The following TMEM165 variants were observed in gnomAD, a reference collection of about 807,000 sequenced individuals.
TMEM165 encodes the protein putative divalent cation/proton antiporter TMEM165.
In TMEM165, 19 loss-of-function variants were observed where a neutral mutation model predicts 30.0. That is an observed-to-expected ratio of 0.63 (90% CI 0.44 to 0.93). TMEM165 has a LOEUF of 0.93. Among genes scored for constraint, TMEM165 ranks in the 40% least tolerant of loss-of-function variants. The probability of loss-of-function intolerance (pLI) is 0.00; values close to 1 mark genes in which losing one functional copy is unlikely to be tolerated. For missense variants in TMEM165, 340 were observed against 417.0 expected (o/e 0.82, Z 1.61); for synonymous variants, 168 against 162.9 (o/e 1.03, Z -0.24).
chr4:55,448,576 A>C (rs2109734557), intron 3 of TMEM165, among the ~76,000 whole-genome samples: 1 of 148,094 alleles, frequency 6.8e-6, no homozygotes, highest in East Asian at 2.0e-4. Context: ...AACTATAATT[A>C]TATATGTGCG....
At chr4:55,453,174 T>A in exon 4 of TMEM165, 1 of 1,428,874 alleles carries the variant, frequency 7.0e-7, no homozygotes, top group Non-Finnish European at 9.9e-7. Flanking sequence ...TGGTCATTCG[T>A]TTAAAATACT....
At chr4:55,425,183 A>G (rs1424585492) in intron 5 of TMEM165, among the ~76,000 whole-genome samples, 193 bp from the exon 6 acceptor site, 1 of 152,228 alleles carries the variant, frequency 6.6e-6, no homozygotes, top group Non-Finnish European at 1.5e-5. Context: ...CCTGATTCTT[A>G]GTGTTCACAG....
rs1722153866 is a variant in TMEM165 at position 55,425,410 on chromosome 4, T to C, written c.933T>C (p.Phe311=). 1 of 1,613,808 alleles carries C rather than the reference T, an allele frequency of 6.2e-7. No homozygotes were observed. Among genetic ancestry groups the C allele is most frequent in the Non-Finnish European group, 8.5e-7 (1 of 1,179,898 alleles). Residue 311 remains phenylalanine, a synonymous_variant, in exon 6 of 6, where the codon TTT becomes TTC. Coordinates refer to ENST00000381334, the MANE Select transcript of TMEM165 (RefSeq NM_018475.5). The part of the protein sequence containing the change: ...TIIGGIVFLA[F]AFSALFISPD... The stretch of plus-strand genomic sequence containing the variant: ...TAGGAGGCATCGTTTTTTTGGCGTT[T>C]GCATTTTCTGCACTATTTATAAGCC...
At chr4:55,451,627 G>C (rs574687800) in intron 3 of TMEM165, among the ~76,000 whole-genome samples, 16 of 152,292 alleles carry the variant, frequency 1.1e-4, no homozygotes, top group African/African-American at 3.8e-4. Flanking sequence ...TTTGGAAACA[G>C]GGCTAATTTA....
At position 55,417,833 on chromosome 4, in the gene TMEM165, G is replaced by A. The variant is rs910658095; in HGVS notation, c.640G>A (p.Gly214Arg). ...ACGAACCAAACTTTTAAATGGACCGGGAGATGTTGAAACGGGTACAAGCAT... is the reference window on the plus strand; with the variant it reads ...ACGAACCAAACTTTTAAATGGACCGAGAGATGTTGAAACGGGTACAAGCAT... ...FQRTKLLNGPGDVETGTSITV... is the reference protein window; with the variant it reads ...FQRTKLLNGPRDVETGTSITV... The change falls in exon 4 of 6, where the codon GGA (glycine) becomes AGA (arginine). Residue 214 changes from glycine (G) to arginine (R), a missense_variant. Gly to Arg is a moderately radical substitution (Grantham distance 125). Transcript: ENST00000381334. 6.2e-7 allele frequency: 1 copy of A among 1,611,138 alleles called. No homozygotes were observed. Among genetic ancestry groups the A allele is most frequent in the African/African-American group, 1.3e-5 (1 of 74,730 alleles).
At chr4:55,429,727 T>A (rs1277362526), downstream of TMEM165, 1 of 152,186 alleles carries the variant, frequency 6.6e-6, no homozygotes, top group African/African-American at 2.4e-5. Flanking sequence ...GTTGGGGAAG[T>A]AATCACACAA....
chr4:55,450,937 CAT>C (rs1282047237), intron 3 of TMEM165, among the ~76,000 whole-genome samples: 5 of 152,032 alleles, frequency 3.3e-5, no homozygotes, highest in Non-Finnish European at 7.4e-5. Flanking sequence ...GCTAGAGTTT[CAT>C]AGTTTCATAC....
chr4:55,411,512 A>C, intron 1 of TMEM165, 102 bp from the exon 2 acceptor site: 1 of 1,031,180 alleles, frequency 9.7e-7, no homozygotes, highest in Non-Finnish European at 1.4e-6. Context: ...AAGTGTAATG[A>C]CCATGACAAG....
Position 55,449,273 on chromosome 4 carries a change from A to G in TMEM165, c.409-2966A>G, listed in dbSNP as rs555454937. 719 of 852,806 alleles carry G rather than the reference A, an allele frequency of 8.4e-4. 1 individual carries two copies. In the Middle Eastern group the frequency reaches 8.6e-3, roughly 10 times the overall value. 52.8% of individuals were successfully genotyped at this position (852,806 alleles called of 1,614,324 possible). On this transcript the variant is annotated intron_variant, in intron 3 of 3. Transcript: ENST00000608091. The stretch of plus-strand genomic sequence containing the variant: ...AAAGGAAGTCTTAAGTAAGTGTCAC[A>G]TATCAGTAACTATTTTGATCTTTAC...
chr4:55,402,143 C>T (rs1359630858), intron 1 of TMEM165, among the ~76,000 whole-genome samples: 1 of 126,448 alleles, frequency 7.9e-6, no homozygotes, highest in African/African-American at 3.5e-5. Flanking sequence ...AAACTAAACA[C>T]ATTTAATAAA....
chr4:55,409,066 C>T (rs757546956), intron 1 of TMEM165, among the ~76,000 whole-genome samples: 113 of 151,856 alleles, frequency 7.4e-4, no homozygotes, highest in Non-Finnish European at 1.2e-3. Flanking sequence ...TTTAAAGGAC[C>T]GTCAACGTAG....
intron 2 of TMEM165, among the ~76,000 whole-genome samples, chr4:55,413,128 T>C (rs1305682464): frequency 2.0e-5 from 3 of 151,688 alleles, no homozygotes; most frequent in Non-Finnish European, 4.4e-5. Context: ...CATAGGCTCA[T>C]GCCACCATGC....
downstream of TMEM165, chr4:55,428,157 T>TAC (rs1722313881): frequency 2.0e-5 from 3 of 151,992 alleles, no homozygotes; most frequent in Non-Finnish European, 2.9e-5. Context: ...ATGACAAGAG[T>TAC]ATGGGAAAGA....
intron 3 of TMEM165, among the ~76,000 whole-genome samples, chr4:55,440,171 G>A (rs951689311): frequency 1.3e-5 from 2 of 152,002 alleles, no homozygotes; most frequent in African/African-American, 4.8e-5. Flanking sequence ...TAAACTCTAG[G>A]TTTATAGAAG....
intron 3 of TMEM165, chr4:55,450,083 G>A (rs1724283548): frequency 1.2e-6 from 2 of 1,613,914 alleles, no homozygotes; most frequent in African/African-American, 1.3e-5. Context: ...TGAAGCAAGG[G>A]TACTCACAGG....
At chr4:55,400,001 C>T (rs181470907) in intron 1 of TMEM165, among the ~76,000 whole-genome samples, 142 of 139,822 alleles carry the variant, frequency 1.0e-3, no homozygotes, top group Non-Finnish European at 1.7e-3. Flanking sequence ...ATATAATTGT[C>T]TTCTTTTCTT....
rs1024359886 is a variant in TMEM165, at chr4:55,452,821, T to C, written c.*515T>C. The C allele has an allele frequency of 1.3e-5, 5 of 398,906 alleles. No homozygotes were observed. The South Asian group carries it at 1.7e-4, about 14-fold the overall frequency. 24.7% of individuals were successfully genotyped at this position (398,906 alleles called of 1,614,324 possible). A position where few individuals can be genotyped will look rare whatever the true frequency, so the allele number is the denominator to read the frequency against. On this transcript the variant is annotated 3_prime_UTR_variant, in exon 4 of 4. Transcript: ENST00000608091. The stretch of plus-strand genomic sequence containing the variant: ...ACCTAGCCAGAGACTAGTACATCAC[T>C]GGGAATAAATGGTAGTTTTGAGATC...
intron 3 of TMEM165, chr4:55,448,667 A>G: frequency 1.5e-6 from 1 of 678,782 alleles, no homozygotes; most frequent in East Asian, 3.1e-5. Flanking sequence ...CCTCCCAAGT[A>G]GCTGTGGCTA....
intron 3 of TMEM165, chr4:55,431,853 T>G (rs1354044349): frequency 2.0e-5 from 3 of 152,222 alleles, no homozygotes; most frequent in African/African-American, 7.2e-5. Flanking sequence ...TAGAGTACTA[T>G]TTTAAGGATC....
Sources: gnomAD v4.1 joint callset for allele counts (sites outside exome capture counted in the v4.1 genomes callset) on GRCh38, gnomAD v4.1.1 for gene constraint, MANE v1.5 for transcripts, NCBI Gene and HGNC (gene_info 2026-07-23, HGNC 2026-07-21) for gene names.